The following ARMC2 variants were observed in gnomAD, a reference collection of about 807,000 sequenced individuals.
ARMC2 encodes the protein armadillo repeat containing 2.
In ARMC2, 67 loss-of-function variants were observed where a neutral mutation model predicts 90.3. The ratio of observed to expected loss-of-function variants is 0.74; its 90% CI spans 0.61 to 0.91. ARMC2 has a LOEUF of 0.91. Among genes scored for constraint, ARMC2 ranks in the 40% least tolerant of loss-of-function variants. The pLI, the probability that ARMC2 is intolerant of heterozygous loss-of-function variation, is 0.00. For missense variants in ARMC2, 920 were observed against 1,030.9 expected, an observed-to-expected ratio of 0.89 and a Z score of 1.47; for synonymous variants, 393 against 393.0, an observed-to-expected ratio of 1.00 and a Z score of 0.00.
At chr6:108,933,822 T>C (rs983267496) in intron 11 of ARMC2, among the ~76,000 whole-genome samples, 1 of 152,156 alleles carries the variant, frequency 6.6e-6, no homozygotes, top group Non-Finnish European at 1.5e-5. Context: ...TGGCACTTAT[T>C]ATTTTGAGGT....
the ARMC2 span, among the ~76,000 whole-genome samples, chr6:109,040,088 G>C: frequency 6.6e-6 from 1 of 152,268 alleles, no homozygotes; most frequent in Middle Eastern, 3.4e-3. Flanking sequence ...ACCAAGTACA[G>C]TATTATCTTT....
chr6:109,006,220 A>G, the ARMC2 span, among the ~76,000 whole-genome samples: 1 of 152,240 alleles, frequency 6.6e-6, no homozygotes, highest in African/African-American at 2.4e-5. Flanking sequence ...AGAGTCTTAG[A>G]TTAATCCTTA....
intron 5 of ARMC2, chr6:108,880,169 T>G: frequency 2.8e-6 from 1 of 356,228 alleles, no homozygotes; most frequent in South Asian, 2.2e-5. Flanking sequence ...TGAAGCAAAC[T>G]TTACACTGCA....
the ARMC2 span, among the ~76,000 whole-genome samples, chr6:109,029,384 A>C: frequency 6.6e-6 from 1 of 152,244 alleles, no homozygotes; most frequent in Non-Finnish European, 1.5e-5. Flanking sequence ...GCAATTCTTA[A>C]GAGAAGCAGG....
At chr6:109,010,672 T>C in the ARMC2 span, among the ~76,000 whole-genome samples, 1,317 of 152,342 alleles carry the variant, frequency 8.6e-3, 63 homozygotes, top group East Asian at 0.14. Flanking sequence ...ATAAATGATA[T>C]ATGTTCTCTA....
At chr6:109,008,944 T>C in the ARMC2 span, 119 of 992,454 alleles carry the variant, frequency 1.2e-4, no homozygotes, top group Middle Eastern at 2.0e-3. Context: ...TAATCTGTTT[T>C]CACAAGACAA....
chr6:109,010,976 T>C, the ARMC2 span, among the ~76,000 whole-genome samples: 5 of 152,330 alleles, frequency 3.3e-5, no homozygotes, highest in Admixed American at 6.5e-5. Context: ...ATGTATGGGA[T>C]TGTGAGCTGC....
At chr6:108,888,062 C>T (rs1770542130) in intron 5 of ARMC2, among the ~76,000 whole-genome samples, 1 of 152,202 alleles carries the variant, frequency 6.6e-6, no homozygotes, top group Non-Finnish European at 1.5e-5. Flanking sequence ...AGAACATCTC[C>T]TCTCTGTCCT....
chr6:109,040,273 TTTTTA>T, the ARMC2 span, among the ~76,000 whole-genome samples: 1 of 152,192 alleles, frequency 6.6e-6, no homozygotes, highest in East Asian at 1.9e-4. Flanking sequence ...ATGACATTCC[TTTTTA>T]TTATATTTAA....
At chr6:108,951,352 C>T (rs1777161879) in intron 12 of ARMC2, among the ~76,000 whole-genome samples, 1 of 152,196 alleles carries the variant, frequency 6.6e-6, no homozygotes, top group African/African-American at 2.4e-5. Context: ...TACCTGAGGA[C>T]TAACATTCTA....
intron 5 of ARMC2, among the ~76,000 whole-genome samples, chr6:108,877,997 G>A (rs536988406): frequency 2.0e-5 from 3 of 152,202 alleles, no homozygotes; most frequent in Non-Finnish European, 4.4e-5. Flanking sequence ...ATGTACCCTG[G>A]CAAGGTTAAC....
the ARMC2 span, among the ~76,000 whole-genome samples, chr6:108,992,118 A>G: frequency 6.6e-6 from 1 of 152,014 alleles, no homozygotes; most frequent in Non-Finnish European, 1.5e-5. Flanking sequence ...TTATTTTTTG[A>G]GACAGGATCC....
At chr6:109,001,163 G>C in the ARMC2 span, 29,945 of 822,746 alleles carry the variant, frequency 0.036, 1,486 homozygotes, top group African/African-American at 0.2. Context: ...AACAGAGACT[G>C]TGCAACAGGA....
chr6:108,892,308 C>T (rs185384377), intron 5 of ARMC2, among the ~76,000 whole-genome samples: 48 of 152,182 alleles, frequency 3.2e-4, no homozygotes, highest in African/African-American at 1.1e-3. Context: ...TCCCTGTCCC[C>T]GTAGCCATTT....
chr6:108,884,552 G>A lies in ARMC2; in HGVS notation c.671+8202G>A, dbSNP rs147445584. Among the ~76,000 whole-genome samples, 822 of 152,234 alleles carry A rather than the reference G, an allele frequency of 5.4e-3. 6 individuals are homozygous for A. Among genetic ancestry groups the A allele is most frequent in the African/African-American group, 0.018 (762 of 41,550 alleles). ...GGGTGCATTTTGAAGGTTGATTTTC[G>A]TGAGGGATGGAGCACTGTGTTCTTG... On this transcript the variant is annotated intron_variant, in intron 5 of 17. Coordinates refer to ENST00000392644, the MANE Select transcript of ARMC2 (RefSeq NM_032131.6).
At chr6:108,858,380 C>G in intron 3 of ARMC2, 109 bp downstream of exon 3, 1 of 620,596 alleles carries the variant, frequency 1.6e-6, no homozygotes, top group Non-Finnish European at 2.7e-6. Context: ...ATCATGTACA[C>G]CTAAATAGAC....
Position 108,868,855 on chromosome 6 carries a change from AG to A in ARMC2, c.325del (p.Glu109ArgfsTer20). 6.2e-7 allele frequency: 1 copy of A among 1,613,742 alleles called. No individual in the cohort carries two copies. Among genetic ancestry groups the A allele is most frequent in the Non-Finnish European group, 8.5e-7 (1 of 1,179,776 alleles). ...AAAGTTCCAGCATCTCCCACCAGAG[AG>A]GAGGATTCCTGCTTTTCCTTTCCTA... ...KPKVPASPTR[E>X]EDSCFSFPKP... is the part of the protein sequence containing the mutation. On this transcript the variant is annotated frameshift_variant, in exon 4 of 18. Transcript: ENST00000392644. LOFTEE classifies it high-confidence loss of function.
chr6:109,000,754 G>T, the ARMC2 span: 1 of 1,140,528 alleles, frequency 8.8e-7, no homozygotes, highest in Non-Finnish European at 1.1e-6. Flanking sequence ...ATGCAAAAGA[G>T]CTAATTAAGT....
intron 4 of ARMC2, among the ~76,000 whole-genome samples, chr6:108,873,268 C>T (rs974970725): frequency 1.3e-5 from 2 of 151,908 alleles, no homozygotes; most frequent in Admixed American, 6.6e-5. Flanking sequence ...ATACAAAAAC[C>T]GTTCTTAGTT....
Sources: allele counts gnomAD v4.1 joint callset (sites outside exome capture counted in the v4.1 genomes callset), GRCh38; gene constraint gnomAD v4.1.1; transcripts MANE v1.5; gene names NCBI Gene and HGNC (gene_info 2026-07-23, HGNC 2026-07-21).